Variants in RNASEH2B observed in about 807,000 individuals in gnomAD.
The protein encoded by RNASEH2B is Aicardi-Goutieres syndrome 2 protein.
Under a neutral mutation model 45.0 loss-of-function variants are expected in RNASEH2B, and 36 were observed. The ratio of observed to expected loss-of-function variants is 0.80; its 90% confidence interval spans 0.61 to 1.06. The LOEUF is 1.06. Ranked by LOEUF, RNASEH2B falls within the 50% of genes least tolerant of loss-of-function variation. The pLI is 0.00. For missense variants in RNASEH2B, 361 were observed against 360.3 expected, an observed-to-expected ratio of 1.00 and a Z score of -0.02; for synonymous variants, 119 against 125.7, an observed-to-expected ratio of 0.95 and a Z score of 0.35.
rs1306911002 is a variant in RNASEH2B, at chr13:50,941,345, G to C, written c.437-1976G>C. ...AGACAGCATGTGCTGGGGTATGCAT[G>C]AGCCCTGGTAGCATGGCTCAGTCTG... On this transcript the variant is annotated intron_variant, in intron 5 of 10. Transcript: ENST00000336617. 4 of 152,310 alleles carry C rather than the reference G, an allele frequency of 2.6e-5. No homozygotes were observed. The East Asian group carries it at 7.7e-4, about 29-fold the overall frequency. 9.4% of individuals were successfully genotyped at this position (152,310 alleles called of 1,614,324 possible).
intron 5 of RNASEH2B, chr13:50,936,395 G>C (rs1951752653): frequency 6.6e-6 from 1 of 152,170 alleles, no homozygotes; most frequent in Non-Finnish European, 1.5e-5. Context: ...GTGATTCCAA[G>C]AAGTGTAAGC....
chr13:50,956,378 A>C lies in RNASEH2B; in HGVS notation c.843A>C (p.Ala281=), dbSNP rs760409807. 2 of 1,602,502 alleles carry C rather than the reference A, an allele frequency of 1.2e-6. No homozygotes were observed. Residue 281 remains alanine, a synonymous_variant, in exon 11 of 11, where the codon GCA becomes GCC. Transcript: ENST00000336617. ...KTEKKNSKMT[A]AQKALAKVDK... is the part of the protein sequence containing the mutation. ...AACAGAAAAATAGCAAAATGACTGC[A>C]GCTCAGAAGGCTTTGGCTAAAGTTG...
At chr13:50,959,923 A>G (rs1400713563), downstream of RNASEH2B, 2 of 301,412 alleles carry the variant, frequency 6.6e-6, no homozygotes, top group Non-Finnish European at 1.2e-5. Context: ...TGGGATTTTT[A>G]CTGAGATTTT....
chr13:50,950,722 A>G (rs184401803), intron 9 of RNASEH2B: 1 of 152,334 alleles, frequency 6.6e-6, no homozygotes, highest in Non-Finnish European at 1.5e-5. Flanking sequence ...TAACTTAGAG[A>G]TCATTCATGA....
chr13:50,966,442 C>T (rs961953657), intron 9 of RNASEH2B, among the ~76,000 whole-genome samples: 3 of 152,186 alleles, frequency 2.0e-5, no homozygotes, highest in Non-Finnish European at 4.4e-5. Flanking sequence ...GAAAGCTTCA[C>T]AACATTTCCA....
chr13:50,956,931 C>T (rs534191815), downstream of RNASEH2B, among the ~76,000 whole-genome samples: 1 of 146,174 alleles, frequency 6.8e-6, no homozygotes, highest in South Asian at 2.1e-4. Flanking sequence ...CACGGAGTCT[C>T]GCTGTCACCC....
At chr13:50,953,171 A>G (rs952678955) in intron 9 of RNASEH2B, 2 of 152,228 alleles carry the variant, frequency 1.3e-5, no homozygotes, top group African/African-American at 2.4e-5. Flanking sequence ...TACCTTTTAC[A>G]TAATAAGTGT....
intron 5 of RNASEH2B, chr13:50,942,871 G>A (rs1951849964): frequency 1.2e-5 from 2 of 160,500 alleles, no homozygotes; most frequent in Non-Finnish European, 2.7e-5. Flanking sequence ...GGGTTTCCAC[G>A]TTAGACATAG....
At chr13:50,938,789 T>A (rs1269561352) in intron 5 of RNASEH2B, 1 of 152,230 alleles carries the variant, frequency 6.6e-6, no homozygotes, top group African/African-American at 2.4e-5. Context: ...GGCCATGGAT[T>A]GGTACCAGTA....
At position 50,920,095 on chromosome 13, in the gene RNASEH2B, G is replaced by A. The variant is rs759406962; in HGVS notation, c.65-7312G>A. ...GTCGCCCAGGCTGGAGTGCAGTGGC[G>A]TGATCTCGGCTCACTCTAACTGCCT... On this transcript the variant is annotated intron_variant, in intron 1 of 10. Transcript: ENST00000336617. 6.6e-5 allele frequency among the ~76,000 whole-genome samples: 10 copies of A among 152,156 alleles called. No individual in the cohort carries two copies. In the East Asian group the frequency reaches 1.9e-3, roughly 29 times the overall value.
intron 3 of RNASEH2B, among the ~76,000 whole-genome samples, chr13:50,929,879 G>T (rs921486327): frequency 6.6e-6 from 1 of 152,182 alleles, no homozygotes; most frequent in African/African-American, 2.4e-5. Context: ...GGCACATATT[G>T]TGTTGATTAG....
chr13:50,923,261 T>C (rs575679881), intron 1 of RNASEH2B, among the ~76,000 whole-genome samples: 1 of 152,246 alleles, frequency 6.6e-6, no homozygotes, highest in African/African-American at 2.4e-5. Flanking sequence ...AGAGGAATAT[T>C]TGAAGAAATA....
intron 10 of RNASEH2B, chr13:50,955,751 A>G (rs1046220159): frequency 7.9e-5 from 12 of 152,546 alleles, no homozygotes; most frequent in African/African-American, 2.9e-4. Context: ...AGTGCTTTAT[A>G]TAAGACATGG....
chr13:50,939,364 A>AAAAAAAG (rs1438152767), intron 5 of RNASEH2B, among the ~76,000 whole-genome samples: 1 of 151,858 alleles, frequency 6.6e-6, no homozygotes, highest in Non-Finnish European at 1.5e-5. Context: ...TTCAAAAGAA[A>AAAAAAAG]AAAAAATTAG....
intron 1 of RNASEH2B, among the ~76,000 whole-genome samples, chr13:50,920,670 C>T (rs1416770670): frequency 1.3e-5 from 2 of 152,176 alleles, no homozygotes; most frequent in African/African-American, 4.8e-5. Flanking sequence ...TATAGCTACT[C>T]TTTTAAAAAT....
chr13:50,927,505 G>A (rs370718903), intron 2 of RNASEH2B, 27 bp downstream of exon 2: 33 of 1,387,304 alleles, frequency 2.4e-5, no homozygotes, highest in Non-Finnish European at 3.3e-5. Context: ...TAACTTGAAT[G>A]TTCTTAAATG....
At chr13:50,959,007 C>T (rs1952083494), downstream of RNASEH2B, among the ~76,000 whole-genome samples, 1 of 152,058 alleles carries the variant, frequency 6.6e-6, no homozygotes, top group African/African-American at 2.4e-5. Context: ...CTTAATGCCA[C>T]CTTGTTAGCA....
intron 4 of RNASEH2B, among the ~76,000 whole-genome samples, chr13:50,931,194 G>A (rs1405354439): frequency 6.6e-6 from 1 of 152,150 alleles, no homozygotes; most frequent in Non-Finnish European, 1.5e-5. Flanking sequence ...CTCATTAATG[G>A]TGATGTGCTA....
At chr13:50,940,825 G>C in intron 5 of RNASEH2B, 1 of 152,348 alleles carries the variant, frequency 6.6e-6, no homozygotes, top group Middle Eastern at 3.4e-3. Context: ...TAAAAAAATA[G>C]AAAGCAATTT....
Sources: allele counts gnomAD v4.1 joint callset (sites outside exome capture counted in the v4.1 genomes callset), GRCh38; gene constraint gnomAD v4.1.1; transcripts MANE v1.5; gene names NCBI Gene and HGNC (gene_info 2026-07-23, HGNC 2026-07-21).